Variants in LARP4 observed in about 807,000 individuals in gnomAD.
LARP4 encodes La ribonucleoprotein 4, also known as la-related protein 4.
A neutral mutation model predicts 92.9 loss-of-function variants in LARP4; 29 were observed. That is an observed-to-expected ratio of 0.31 (90% confidence interval 0.23 to 0.43). LARP4 has a LOEUF of 0.43. LARP4 is among the 20% of genes least tolerant of loss of function. LARP4 has a pLI of 1.00. For synonymous variants in LARP4, 279 were observed against 284.1 expected (o/e 0.98, Z 0.18); for missense variants, 732 against 860.0 (o/e 0.85, Z 1.86).
At position 50,471,642 on chromosome 12, in the gene LARP4, G is replaced by T. The variant is rs141392029; in HGVS notation, c.1546-1773G>T. ...GGGTTCAAGCGATTCTTGTGCCTCAGCCTCCTGAATGGTGAATACAGGCGC... is the reference window on the plus strand; with the variant it reads ...GGGTTCAAGCGATTCTTGTGCCTCATCCTCCTGAATGGTGAATACAGGCGC... On this transcript the variant is annotated intron_variant, in intron 13 of 15. Transcript: ENST00000398473. 4.0e-3 allele frequency among the ~76,000 whole-genome samples: 613 copies of T among 152,208 alleles called. 5 individuals are homozygous for T. The highest frequency in any genetic ancestry group is 0.014 in the African/African-American group (575 of 41,532).
chr12:50,469,004 TC>T (rs1024304669), intron 13 of LARP4, among the ~76,000 whole-genome samples: 4 of 151,936 alleles, frequency 2.6e-5, no homozygotes, highest in African/African-American at 9.7e-5. Flanking sequence ...TCTTTATCGA[TC>T]CCCCTTTTTT....
At chr12:50,454,279 C>A (rs1953819890) in intron 9 of LARP4, 35 bp from the exon 10 acceptor site, 5 of 1,504,184 alleles carry the variant, frequency 3.3e-6, no homozygotes, top group Non-Finnish European at 3.7e-6. Context: ...TTTACCTTTG[C>A]CATTAATATT....
rs1261547188 is a variant in LARP4, at chr12:50,478,325, GTGTGTGTGTA to G, written c.*2472_*2481del. The stretch of plus-strand genomic sequence containing the variant: ...TGTATAGGGAAGAGTGAGAGAGTGT[GTGTGTGTGTA>G]TGTGTGTGTAATATTTATATATATT... On this transcript the variant is annotated 3_prime_UTR_variant, in exon 16 of 16. Coordinates refer to ENST00000398473, the MANE Select transcript of LARP4 (RefSeq NM_052879.5). The G allele has an allele frequency of 6.6e-5, 10 of 151,992 alleles. No individual in the cohort carries two copies. The highest frequency in any genetic ancestry group is 1.5e-4 in the Non-Finnish European group (10 of 67,934). The allele number at this position is 151,992 out of a possible 1,614,324, so 9.4% of individuals were successfully genotyped here.
intron 8 of LARP4, among the ~76,000 whole-genome samples, chr12:50,446,205 AT>A (rs1952012935): frequency 6.7e-6 from 1 of 148,652 alleles, no homozygotes; most frequent in African/African-American, 2.5e-5. Context: ...ACGGGGTTTC[AT>A]CATGTTAGCC....
At position 50,425,912 on chromosome 12, in the gene LARP4, T is replaced by C. The variant is rs555762524; in HGVS notation, c.19-1850T>C. Among the ~76,000 whole-genome samples, 4 of 152,274 alleles carry C rather than the reference T, an allele frequency of 2.6e-5. No individual in the cohort carries two copies. In the South Asian group the frequency reaches 6.2e-4, roughly 24 times the overall value. On this transcript the variant is annotated intron_variant, in intron 1 of 15. Coordinates refer to ENST00000398473, the MANE Select transcript of LARP4 (RefSeq NM_052879.5). ...AACCTCCCCTTGCCCATTTCCTCCT[T>C]CTTCCCCTGCCGGATTCCAGGGTTA...
chr12:50,420,627 G>A (rs548073099), intron 1 of LARP4, among the ~76,000 whole-genome samples: 3 of 152,310 alleles, frequency 2.0e-5, no homozygotes, highest in Admixed American at 1.3e-4. Context: ...GTTAGCCATA[G>A]TATAAACCAG....
At chr12:50,422,598 AT>A (rs1208209031) in intron 1 of LARP4, among the ~76,000 whole-genome samples, 2 of 151,790 alleles carry the variant, frequency 1.3e-5, no homozygotes, top group Non-Finnish European at 2.9e-5. Context: ...ATAATTTTGG[AT>A]TGCTGTGTAA....
At chr12:50,428,828 C>G in intron 2 of LARP4, 107 bp from the exon 3 acceptor site, 2 of 797,034 alleles carry the variant, frequency 2.5e-6, no homozygotes, top group Non-Finnish European at 3.8e-6. Flanking sequence ...ATATTTCAAA[C>G]TGGTAGAAAT....
chr12:50,402,959 C>G lies in LARP4; in HGVS notation c.18+1931C>G, dbSNP rs1258732739. The G allele has an allele frequency of 1.3e-5, 5 of 372,184 alleles. No homozygotes were observed. The Admixed American group carries it at 1.4e-4, about 11-fold the overall frequency. 23.1% of individuals were successfully genotyped at this position (372,184 alleles called of 1,614,324 possible). A position where few individuals can be genotyped will look rare whatever the true frequency, so the allele number is the denominator to read the frequency against. On this transcript the variant is annotated intron_variant, in intron 1 of 15. Transcript: ENST00000398473. ...ATTAACTGTCTTTAAATATTTGGGG[C>G]TGAATATGTGGTATTAAAATCAGTG...
intron 8 of LARP4, among the ~76,000 whole-genome samples, chr12:50,448,252 C>G (rs982979806): frequency 1.3e-5 from 2 of 152,040 alleles, no homozygotes; most frequent in African/African-American, 4.8e-5. Flanking sequence ...ATCTTTTTCC[C>G]CCCATCTTAA....
intron 2 of LARP4, 82 bp downstream of exon 2, chr12:50,427,991 C>CTTTT: frequency 1.2e-5 from 5 of 413,430 alleles, no homozygotes; most frequent in Non-Finnish European, 1.4e-5. Flanking sequence ...TGAGACACAT[C>CTTTT]TCTTTTTTTT....
intron 6 of LARP4, among the ~76,000 whole-genome samples, chr12:50,438,922 A>G (rs1041275797): frequency 6.6e-6 from 1 of 152,186 alleles, no homozygotes; most frequent in African/African-American, 2.4e-5. Flanking sequence ...TTGATTAGCT[A>G]TTTAGAACAG....
At position 50,453,510 on chromosome 12, in the gene LARP4, A is replaced by G. The variant is rs1953654927; in HGVS notation, c.855A>G (p.Leu285=). The G allele has an allele frequency of 1.9e-6, 3 of 1,613,334 alleles. No homozygotes were observed. The highest frequency in any genetic ancestry group is 1.1e-5 in the South Asian group (1 of 91,050). ...NTFFAKNGYR[L]MDSSIYSHPI... ...TTTTTGCTAAGAATGGTTATCGATT[A>G]ATGGATTCTAGTATCTATAGTCACC... The change falls in exon 9 of 16, where the codon TTA becomes TTG. Residue 285 remains leucine, a synonymous_variant. Transcript: ENST00000398473.
chr12:50,408,983 AT>A (rs1283015683), intron 1 of LARP4, among the ~76,000 whole-genome samples: 8 of 151,062 alleles, frequency 5.3e-5, no homozygotes, highest in East Asian at 1.9e-4. Context: ...TGTCTTAAAA[AT>A]TTTTTTTTTA....
At position 50,454,187 on chromosome 12, in the gene LARP4, A is replaced by G. The variant is rs1488444983; in HGVS notation, c.1018-127A>G. On this transcript the variant is annotated intron_variant, in intron 9 of 15. Coordinates refer to ENST00000398473, the MANE Select transcript of LARP4 (RefSeq NM_052879.5). ...GAAGTGAATATTGCAGAAATGAATC[A>G]GTAAAATATTTTAAGATATTTTTGG... is the stretch of plus-strand genomic sequence containing the variant. The G allele has an allele frequency of 9.7e-6, 6 of 615,494 alleles. No individual in the cohort carries two copies. The East Asian group carries it at 1.4e-4, about 14-fold the overall frequency. The allele number at this position is 615,494 out of a possible 1,614,324, so 38.1% of individuals were successfully genotyped here.
At position 50,462,612 on chromosome 12, in the gene LARP4, A is replaced by T. The variant is rs1363401342; in HGVS notation, c.1365A>T (p.Arg455=). The change falls in exon 12 of 16, where the codon CGA becomes CGT. Residue 455 remains arginine (R), a synonymous_variant. Transcript: ENST00000398473. ...RRTLFRGRRR[R]EDDRISRPHP... ...CTCTCTTCAGAGGTCGAAGACGACGAGAAGATGACAGGATCTCAGTAAGTT... is the reference window on the plus strand; with the variant it reads ...CTCTCTTCAGAGGTCGAAGACGACGTGAAGATGACAGGATCTCAGTAAGTT... 5.8e-6 allele frequency: 9 copies of T among 1,554,584 alleles called. No individual in the cohort carries two copies. The highest frequency in any genetic ancestry group is 7.8e-6 in the Non-Finnish European group (9 of 1,147,204).
chr12:50,401,124 A>G (rs1943737291), intron 1 of LARP4, 96 bp downstream of exon 1: 14 of 1,410,776 alleles, frequency 9.9e-6, no homozygotes, highest in Non-Finnish European at 1.4e-5. Flanking sequence ...CGGGCCGTAC[A>G]CGCCGCGGAA....
At chr12:50,430,715 C>A in intron 4 of LARP4, 145 bp downstream of exon 4, 1 of 525,572 alleles carries the variant, frequency 1.9e-6, no homozygotes, top group Non-Finnish European at 3.4e-6. Context: ...GGCTGGAGTG[C>A]AGTGGTGTGA....
intron 1 of LARP4, among the ~76,000 whole-genome samples, chr12:50,404,413 A>T (rs1944411913): frequency 2.6e-5 from 4 of 151,982 alleles, no homozygotes; most frequent in Non-Finnish European, 5.9e-5. Flanking sequence ...CCTTGGGCCC[A>T]ATGTGGTGGC....
Sources: gnomAD v4.1 joint callset for allele counts (sites outside exome capture counted in the v4.1 genomes callset) on GRCh38, gnomAD v4.1.1 for gene constraint, MANE v1.5 for transcripts, NCBI Gene and HGNC (gene_info 2026-07-23, HGNC 2026-07-21) for gene names.